Variants in AFG2A observed in about 807,000 individuals in gnomAD.
The protein encoded by AFG2A is ATPase family gene 2 protein homolog A.
At chr4:123,199,049 G>C in the AFG2A span, among the ~76,000 whole-genome samples, 80,228 of 151,956 alleles carry the variant, frequency 0.53, 24,417 homozygotes, top group Non-Finnish European at 0.67. Context: ...ATTGATGAAG[G>C]CTGGCGGTCT....
At chr4:123,265,653 G>T in the AFG2A span, among the ~76,000 whole-genome samples, 815 of 152,200 alleles carry the variant, frequency 5.4e-3, 7 homozygotes, top group African/African-American at 0.018. Flanking sequence ...GGATATGAAT[G>T]AGAGGCTGGT....
the AFG2A span, among the ~76,000 whole-genome samples, chr4:123,209,586 ATT>A: frequency 1.8e-4 from 21 of 116,254 alleles, no homozygotes; most frequent in South Asian, 1.9e-3. Flanking sequence ...TGCATCAAGA[ATT>A]TTTTTTTTTT....
At chr4:123,037,432 A>T in the AFG2A span, among the ~76,000 whole-genome samples, 1 of 152,126 alleles carries the variant, frequency 6.6e-6, no homozygotes, top group South Asian at 2.1e-4. Flanking sequence ...AATGGTACTT[A>T]TTAATGGCAG....
At chr4:123,217,475 T>A in the AFG2A span, among the ~76,000 whole-genome samples, 1 of 152,122 alleles carries the variant, frequency 6.6e-6, no homozygotes, top group African/African-American at 2.4e-5. Flanking sequence ...AAAGAGGGAA[T>A]GTCTCTTTTG....
chr4:122,946,165 C>G, the AFG2A span, among the ~76,000 whole-genome samples: 1 of 152,112 alleles, frequency 6.6e-6, no homozygotes, highest in Non-Finnish European at 1.5e-5. Flanking sequence ...GTTAAGCAGA[C>G]CAAATGTTTG....
the AFG2A span, among the ~76,000 whole-genome samples, chr4:123,139,706 C>A: frequency 6.6e-6 from 1 of 151,894 alleles, no homozygotes; most frequent in Non-Finnish European, 1.5e-5. Context: ...TCATTTAAGT[C>A]AAAACTTATG....
At chr4:123,106,485 T>G in the AFG2A span, among the ~76,000 whole-genome samples, 1 of 151,992 alleles carries the variant, frequency 6.6e-6, no homozygotes, top group Admixed American at 6.5e-5. Flanking sequence ...TTTTACAATA[T>G]GTGGGGTATA....
chr4:122,958,410 G>C, the AFG2A span, among the ~76,000 whole-genome samples: 9 of 152,194 alleles, frequency 5.9e-5, no homozygotes, highest in African/African-American at 2.2e-4. Context: ...ATCTTGACCA[G>C]ATTCGTGAGT....
the AFG2A span, among the ~76,000 whole-genome samples, chr4:123,229,074 T>C: frequency 6.6e-6 from 1 of 151,898 alleles, no homozygotes; most frequent in Admixed American, 6.6e-5. Flanking sequence ...GATTAAATGA[T>C]ATATTAAAAA....
the AFG2A span, among the ~76,000 whole-genome samples, chr4:123,051,077 T>A: frequency 6.6e-6 from 1 of 152,062 alleles, no homozygotes; most frequent in Admixed American, 6.6e-5. Flanking sequence ...GAGAATTTAG[T>A]CTATTTACAT....
chr4:123,318,296 A>G, the AFG2A span: 7 of 152,222 alleles, frequency 4.6e-5, no homozygotes, highest in African/African-American at 9.6e-5. Flanking sequence ...ACCTGACACA[A>G]TGGGAGACAT....
the AFG2A span, among the ~76,000 whole-genome samples, chr4:123,245,800 G>A: frequency 2.0e-5 from 3 of 152,202 alleles, no homozygotes; most frequent in East Asian, 1.9e-4. Flanking sequence ...ACAAATATAC[G>A]CTAACATGTT....
chr4:122,996,570 C>CAGATAGATAGATAGAT, the AFG2A span, among the ~76,000 whole-genome samples: 1,039 of 139,638 alleles, frequency 7.4e-3, 4 homozygotes, highest in South Asian at 9.7e-3. Flanking sequence ...GGTAGGTAGG[C>CAGATAGATAGATAGAT]AGATAGATAG....
chr4:123,079,605 A>AT, the AFG2A span, among the ~76,000 whole-genome samples: 1 of 151,824 alleles, frequency 6.6e-6, no homozygotes, highest in Non-Finnish European at 1.5e-5. Flanking sequence ...TCAGGTTAAC[A>AT]TTTTTTTGTT....
chr4:123,252,290 CTGTT>C, the AFG2A span, among the ~76,000 whole-genome samples: 3,594 of 152,174 alleles, frequency 0.024, 157 homozygotes, highest in African/African-American at 0.082. Context: ...TTTGAACAGT[CTGTT>C]TGGAACTCTA....
At chr4:122,999,836 T>C in the AFG2A span, among the ~76,000 whole-genome samples, 1 of 151,960 alleles carries the variant, frequency 6.6e-6, no homozygotes, top group African/African-American at 2.4e-5. Flanking sequence ...TTTCTCCAAT[T>C]CTGTGAAGAA....
At chr4:123,091,470 A>G in the AFG2A span, among the ~76,000 whole-genome samples, 4 of 152,182 alleles carry the variant, frequency 2.6e-5, no homozygotes, top group African/African-American at 9.7e-5. Context: ...TCTTTGTTTC[A>G]TCTAATTTAT....
chr4:122,977,784 A>G, the AFG2A span, among the ~76,000 whole-genome samples: 6 of 152,244 alleles, frequency 3.9e-5, no homozygotes, highest in Admixed American at 3.9e-4. Flanking sequence ...ATTGAGCAAG[A>G]GAACAGCTCT....
chr4:123,262,537 C>T, the AFG2A span, among the ~76,000 whole-genome samples: 2 of 152,134 alleles, frequency 1.3e-5, no homozygotes, highest in African/African-American at 2.4e-5. Flanking sequence ...TTCCCTTTGA[C>T]GTCTCTGAAT....
Sources: gnomAD v4.1 joint callset for allele counts (sites outside exome capture counted in the v4.1 genomes callset) on GRCh38, gnomAD v4.1.1 for gene constraint, MANE v1.5 for transcripts, NCBI Gene and HGNC (gene_info 2026-07-23, HGNC 2026-07-21) for gene names.